The following U2SURP variants were observed in gnomAD, a reference collection of about 807,000 sequenced individuals.
U2SURP encodes the protein U2 snRNP associated SURP domain containing.
U2SURP carries 9 observed loss-of-function variants against 144.9 expected under a neutral mutation model. The observed-to-expected ratio is 0.06, with a 90% CI of 0.04 to 0.11. U2SURP has a LOEUF of 0.11. U2SURP is among the 10% of genes least tolerant of loss of function. The pLI is 1.00. For missense variants in U2SURP, 724 were observed against 1,226.7 expected, an observed-to-expected ratio of 0.59 and a Z score of 6.12; for synonymous variants, 408 against 396.8, an observed-to-expected ratio of 1.03 and a Z score of -0.33.
intron 6 of U2SURP, 104 bp downstream of exon 6, chr3:143,017,079 G>A (rs933401734): frequency 1.1e-5 from 13 of 1,164,962 alleles, no homozygotes; most frequent in Admixed American, 7.4e-5. Context: ...TTTGGTGGGG[G>A]CAGGGTGGTA....
Position 143,033,321 on chromosome 3 carries a change from A to G in U2SURP, c.1824A>G (p.Lys608=). Residue 608 remains lysine, a synonymous_variant, in exon 18 of 28, where the codon AAA becomes AAG. Coordinates refer to ENST00000473835, the MANE Select transcript of U2SURP (RefSeq NM_001080415.2). The part of the protein sequence containing the change: ...VSDVLYNSSA[K]VANASYYRKF... Reference sequence around the variant, plus strand: ...ATGTTTTGTACAACTCTTCAGCCAAAGTTGCTAATGCTTCATATTATAGAA... The same window carrying G: ...ATGTTTTGTACAACTCTTCAGCCAAGGTTGCTAATGCTTCATATTATAGAA... 6.5e-7 allele frequency: 1 copy of G among 1,540,542 alleles called. No individual in the cohort carries two copies. Among genetic ancestry groups the G allele is most frequent in the South Asian group, 1.2e-5 (1 of 83,642 alleles).
At chr3:143,039,498 G>A (rs1933984668) in intron 23 of U2SURP, among the ~76,000 whole-genome samples, 1 of 151,672 alleles carries the variant, frequency 6.6e-6, no homozygotes, top group African/African-American at 2.4e-5. Flanking sequence ...TTGACACTGT[G>A]TGGTTGTAGG....
intron 23 of U2SURP, among the ~76,000 whole-genome samples, chr3:143,040,310 C>A (rs1275065335): frequency 6.6e-6 from 1 of 151,718 alleles, no homozygotes; most frequent in African/African-American, 2.4e-5. Context: ...GCCTGGATCA[C>A]TAGAAGTATA....
chr3:143,044,645 A>G (rs944805123), intron 24 of U2SURP, among the ~76,000 whole-genome samples: 9 of 152,296 alleles, frequency 5.9e-5, no homozygotes, highest in African/African-American at 1.7e-4. Flanking sequence ...TCAAACCTCT[A>G]AAGAATGTAT....
intron 1 of U2SURP, among the ~76,000 whole-genome samples, chr3:143,009,680 C>T (rs1578112530): frequency 6.6e-6 from 1 of 151,950 alleles, no homozygotes; most frequent in East Asian, 1.9e-4. Context: ...CTGATTTTTG[C>T]CTATGCTAAT....
At position 143,034,870 on chromosome 3, in the gene U2SURP, G is replaced by A. The variant is rs763467378; in HGVS notation, c.1854-18G>A. 1.3e-6 allele frequency: 2 copies of A among 1,490,420 alleles called. No individual in the cohort carries two copies. The highest frequency in any genetic ancestry group is 3.6e-5 in the Admixed American group (2 of 55,030). 92.3% of individuals were successfully genotyped at this position (1,490,420 alleles called of 1,614,324 possible). Reference sequence around the variant, plus strand: ...TTTTAAACATTTTATTTTAAAGAATGTGTTATTTGAATTTCAGTTTTGAAA... The same window carrying A: ...TTTTAAACATTTTATTTTAAAGAATATGTTATTTGAATTTCAGTTTTGAAA... On this transcript the variant is annotated intron_variant, in intron 18 of 27. Coordinates refer to ENST00000473835, the MANE Select transcript of U2SURP (RefSeq NM_001080415.2).
chr3:143,038,313 A>G, intron 22 of U2SURP, 110 bp downstream of exon 22: 2 of 762,832 alleles, frequency 2.6e-6, no homozygotes, highest in Non-Finnish European at 3.9e-6. Flanking sequence ...TTTAACCTTA[A>G]TGCTCAATGT....
chr3:143,030,666 G>GACA (rs1933427760), intron 16 of U2SURP, among the ~76,000 whole-genome samples: 1 of 152,160 alleles, frequency 6.6e-6, no homozygotes, highest in African/African-American at 2.4e-5. Flanking sequence ...ATAAGGCTGT[G>GACA]GCTGCCATAG....
rs1157084336 is a variant in U2SURP at position 143,057,872 on chromosome 3, A to G, written c.*1422A>G. The G allele has an allele frequency of 6.6e-6, 1 of 152,206 alleles. No individual in the cohort carries two copies. Among genetic ancestry groups the G allele is most frequent in the African/African-American group, 2.4e-5 (1 of 41,412 alleles). 9.4% of individuals were successfully genotyped at this position (152,206 alleles called of 1,614,324 possible). On this transcript the variant is annotated 3_prime_UTR_variant, in exon 28 of 28. Coordinates refer to ENST00000473835, the MANE Select transcript of U2SURP (RefSeq NM_001080415.2). Reference sequence around the variant, plus strand: ...TGCACCCATGGTTTGGAGAGTTCCTATATTAGCTGAGCAGTGAGATACACT... The same window carrying G: ...TGCACCCATGGTTTGGAGAGTTCCTGTATTAGCTGAGCAGTGAGATACACT...
chr3:143,019,755 A>G (rs1038442079), intron 6 of U2SURP, among the ~76,000 whole-genome samples: 1 of 152,208 alleles, frequency 6.6e-6, no homozygotes, highest in Non-Finnish European at 1.5e-5. Context: ...ACTGGTTGTC[A>G]TTTTAATTGT....
rs1578111690 is a variant in U2SURP at position 143,009,216 on chromosome 3, A to G, written c.46-1599A>G. 2.0e-5 allele frequency among the ~76,000 whole-genome samples: 3 copies of G among 152,326 alleles called. No individual in the cohort carries two copies. In the South Asian group the frequency reaches 6.2e-4, roughly 32 times the overall value. ...TAATAAATACTAAAAATTTTCTTTT[A>G]TACCACCTTGACATTTAAGAAAGAT... On this transcript the variant is annotated intron_variant, in intron 1 of 27. Transcript: ENST00000473835.
In U2SURP at chr3:143,056,447, C is replaced by G. The variant is rs1355429851; in HGVS notation, c.3087C>G (p.His1029Gln). 6.2e-7 allele frequency: 1 copy of G among 1,611,698 alleles called. No individual in the cohort carries two copies. Among genetic ancestry groups the G allele is most frequent in the African/African-American group, 1.3e-5 (1 of 74,746 alleles). The part of the protein sequence containing the change: ...RSHKKSKKNK[H>Q] ...ATAAAAAGTCAAAGAAAAACAAACACTGACGTAAATTTTTAAGATGCTGTC... is the reference window on the plus strand; with the variant it reads ...ATAAAAAGTCAAAGAAAAACAAACAGTGACGTAAATTTTTAAGATGCTGTC... Residue 1029 changes from histidine (H) to glutamine (Q), a missense_variant, in exon 28 of 28, where the codon CAC (histidine) becomes CAG (glutamine). Coordinates refer to ENST00000473835, the MANE Select transcript of U2SURP (RefSeq NM_001080415.2).
chr3:143,041,145 T>C (rs1248712335), intron 23 of U2SURP, among the ~76,000 whole-genome samples: 1 of 151,938 alleles, frequency 6.6e-6, no homozygotes, highest in Non-Finnish European at 1.5e-5. Context: ...TCATAGTAAC[T>C]GTGACTCAGT....
chr3:143,005,159 T>C (rs372500266), intron 1 of U2SURP, among the ~76,000 whole-genome samples: 4 of 145,564 alleles, frequency 2.7e-5, no homozygotes, highest in Non-Finnish European at 4.5e-5. Flanking sequence ...TTTTTTTTCT[T>C]TTTTGCCGTA....
At chr3:143,024,844 G>A (rs1467849663) in intron 13 of U2SURP, among the ~76,000 whole-genome samples, 1 of 152,000 alleles carries the variant, frequency 6.6e-6, no homozygotes, top group African/African-American at 2.4e-5. Context: ...TGGTACGATC[G>A]ACTCCAATAA....
At chr3:143,005,051 G>C (rs1935765358) in intron 1 of U2SURP, among the ~76,000 whole-genome samples, 2 of 151,674 alleles carry the variant, frequency 1.3e-5, no homozygotes, top group African/African-American at 4.8e-5. Context: ...AGAAAATGTA[G>C]TATTTTCTTT....
At chr3:143,016,692 T>C in intron 5 of U2SURP, 150 bp from the exon 6 acceptor site, 1 of 712,462 alleles carries the variant, frequency 1.4e-6, no homozygotes, top group Non-Finnish European at 2.2e-6. Context: ...TTAGCATTAT[T>C]GAGGTGATAT....
At chr3:143,020,715 G>T in intron 8 of U2SURP, 22 bp downstream of exon 8, 4 of 1,559,634 alleles carry the variant, frequency 2.6e-6, no homozygotes, top group Non-Finnish European at 2.6e-6. Context: ...TTATTTTAAT[G>T]TGTATGCTTG....
Position 143,056,403 on chromosome 3 carries a change from A to G in U2SURP, c.3043A>G (p.Arg1015Gly). ...KSGKKSRSQS[R>G]SPHRSHKKSK... is the part of the protein sequence containing the mutation. ...AGGAAAGAAGTCCAGATCCCAGTCC[A>G]GATCTCCACACAGGTCTCATAAAAA... The change falls in exon 28 of 28, where the codon AGA (arginine) becomes GGA (glycine). Residue 1015 changes from arginine to glycine, a missense_variant. This residue lies in a region of U2SURP where 129 missense variants were observed against 196.1 expected (regional missense o/e 0.66). Coordinates refer to ENST00000473835, the MANE Select transcript of U2SURP (RefSeq NM_001080415.2). 3 of 1,613,150 alleles carry G rather than the reference A, an allele frequency of 1.9e-6. No individual in the cohort carries two copies. Among genetic ancestry groups the G allele is most frequent in the Non-Finnish European group, 2.5e-6 (3 of 1,179,398 alleles).
Sources: gnomAD v4.1 joint callset for allele counts (sites outside exome capture counted in the v4.1 genomes callset) on GRCh38, gnomAD v4.1.1 for gene constraint, gnomAD v4.1.1 regional missense constraint, MANE v1.5 for transcripts, NCBI Gene and HGNC (gene_info 2026-07-23, HGNC 2026-07-21) for gene names.